Variants in APH1A observed in about 807,000 individuals in gnomAD.
APH1A encodes aph-1A gamma-secretase subunit.
A neutral mutation model predicts 30.3 loss-of-function variants in APH1A; 16 were observed. The observed-to-expected ratio is 0.53, with a 90% CI of 0.36 to 0.80. The LOEUF (loss-of-function observed/expected upper bound fraction) is 0.80. Among genes scored for constraint, APH1A ranks in the 30% least tolerant of loss-of-function variants. The probability of loss-of-function intolerance (pLI) is 0.01; values close to 1 mark genes in which losing one functional copy is unlikely to be tolerated. For missense variants in APH1A, 245 were observed against 337.8 expected, an observed-to-expected ratio of 0.73 and a Z score of 2.15; for synonymous variants, 144 against 140.1, an observed-to-expected ratio of 1.03 and a Z score of -0.20.
rs1265980941 is a variant in APH1A at position 150,268,952 on chromosome 1, G to A, written c.-142C>T. On this transcript the variant is annotated 5_prime_UTR_variant, in exon 1 of 7. Coordinates refer to ENST00000369109, the MANE Select transcript of APH1A (RefSeq NM_001077628.3). ...ATGTCACCCCCAGACCCCGGGGAAG[G>A]GGAAGGGGGGGAACCGAAACCCCAA... The A allele has an allele frequency of 1.5e-6, 1 of 654,912 alleles. No individual in the cohort carries two copies. Among genetic ancestry groups the A allele is most frequent in the Non-Finnish European group, 2.6e-6 (1 of 381,720 alleles). The allele number at this position is 654,912 out of a possible 1,614,324, so 40.6% of individuals were successfully genotyped here.
intron 3 of APH1A, 55 bp from the exon 4 acceptor site, chr1:150,267,533 C>A: frequency 6.2e-7 from 1 of 1,603,408 alleles, no homozygotes; most frequent in Middle Eastern, 1.7e-4. Flanking sequence ...GCCTGTTCAC[C>A]ACTGACCCCT....
At position 150,268,897 on chromosome 1, in the gene APH1A, G is replaced by A. The variant is rs1320304157; in HGVS notation, c.-87C>T. The stretch of plus-strand genomic sequence containing the variant: ...CCAGCTGGGGAGTCCGCGTGGGGTG[G>A]CAACGCGACCCCACGAGGGGCGCGG... On this transcript the variant is annotated 5_prime_UTR_variant, in exon 1 of 7. Coordinates refer to ENST00000369109, the MANE Select transcript of APH1A (RefSeq NM_001077628.3). The A allele has an allele frequency of 2.5e-6, 3 of 1,215,184 alleles. No individual in the cohort carries two copies. The highest frequency in any genetic ancestry group is 3.0e-5 in the African/African-American group (2 of 65,708). The allele number at this position is 1,215,184 out of a possible 1,614,324, so 75.3% of individuals were successfully genotyped here.
intron 1 of APH1A, 93 bp from the exon 2 acceptor site, chr1:150,268,220 A>G: frequency 6.9e-7 from 1 of 1,440,310 alleles, no homozygotes. Flanking sequence ...GAAAAGTGGA[A>G]GTTAGCCTTC....
chr1:150,268,279 G>A, intron 1 of APH1A, 152 bp from the exon 2 acceptor site: 2 of 833,400 alleles, frequency 2.4e-6, no homozygotes, highest in Non-Finnish European at 3.6e-6. Flanking sequence ...TCTCCACCAA[G>A]AGACTCATCT....
Position 150,268,055 on chromosome 1 carries a change from C to T in APH1A, c.186G>A (p.Arg62=). The T allele has an allele frequency of 1.9e-6, 3 of 1,614,126 alleles. No individual in the cohort carries two copies. Among genetic ancestry groups the T allele is most frequent in the Non-Finnish European group, 2.5e-6 (3 of 1,180,008 alleles). ...GGCCGTACTGGAGCCGGGCATCTGA[C>T]CGGTCGGTCACATGGACCAAGATGA... is the stretch of plus-strand genomic sequence containing the variant. ...VWFILVHVTD[R]SDARLQYGLL... The change falls in exon 2 of 7, where the codon CGG becomes CGA. Residue 62 remains arginine (R), a synonymous_variant. Transcript: ENST00000369109.
At position 150,265,410 on chromosome 1, in the gene APH1A, ATTCT is replaced by A. The variant is rs1481840151; in HGVS notation, c.*716_*719del. On this transcript the variant is annotated 3_prime_UTR_variant, in exon 7 of 7. Coordinates refer to ENST00000369109, the MANE Select transcript of APH1A (RefSeq NM_001077628.3). ...AAGCCAAGTTCCCCCACAATTACAA[ATTCT>A]TTTTTATTAGTCAAAATCACAATCA... The A allele has an allele frequency of 1.3e-5, 2 of 152,180 alleles. No homozygotes were observed. The highest frequency in any genetic ancestry group is 4.8e-5 in the African/African-American group (2 of 41,414). 9.4% of individuals were successfully genotyped at this position (152,180 alleles called of 1,614,324 possible).
rs907623872 is a variant in APH1A at position 150,268,068 on chromosome 1, T to G, written c.173A>C (p.His58Pro). The change falls in exon 2 of 7, where the codon CAT (histidine) becomes CCT (proline). Residue 58 changes from histidine (H) to proline (P), a missense_variant. Transcript: ENST00000369109. ...LASVVWFILVHVTDRSDARLQ... is the reference protein window; with the variant it reads ...LASVVWFILVPVTDRSDARLQ... ...CCGGGCATCTGACCGGTCGGTCACA[T>G]GGACCAAGATGAACCAGACCACAGA... 2 of 1,613,998 alleles carry G rather than the reference T, an allele frequency of 1.2e-6. No homozygotes were observed. Among genetic ancestry groups the G allele is most frequent in the Admixed American group, 3.3e-5 (2 of 60,000 alleles).
At chr1:150,266,476 G>C (rs200520312) in intron 6 of APH1A, 57 bp downstream of exon 6, 2 of 1,611,000 alleles carry the variant, frequency 1.2e-6, no homozygotes, top group African/African-American at 2.7e-5. Flanking sequence ...TCAGTCATGG[G>C]CAGTGGACAG....
chr1:150,266,704 C>T lies in APH1A; in HGVS notation c.610-48G>A, dbSNP rs149159123. The T allele has an allele frequency of 2.4e-4, 388 of 1,597,728 alleles. 7 individuals carry two copies. In the African/African-American group the frequency reaches 3.5e-3, roughly 15 times the overall value. On this transcript the variant is annotated intron_variant, in intron 5 of 6. Transcript: ENST00000369109. ...GAAAGAGATTAGATTCTCCCTCGACCTAATCCCCATATTCTCTCTGTACCT... is the reference window on the plus strand; with the variant it reads ...GAAAGAGATTAGATTCTCCCTCGACTTAATCCCCATATTCTCTCTGTACCT...
intron 4 of APH1A, 32 bp downstream of exon 4, chr1:150,267,324 G>T: frequency 6.2e-7 from 1 of 1,613,878 alleles, no homozygotes; most frequent in Non-Finnish European, 8.5e-7. Context: ...GGATGGATGG[G>T]GGGTAAAGGC....
intron 2 of APH1A, 22 bp downstream of exon 2, chr1:150,267,935 C>G (rs377210432): frequency 1.2e-6 from 2 of 1,613,852 alleles, no homozygotes; most frequent in African/African-American, 2.7e-5. Context: ...CCTCTCCCCT[C>G]CAGACCACTC....
At chr1:150,267,235 C>T (rs782246284) in intron 4 of APH1A, 33 bp from the exon 5 acceptor site, 1 of 1,613,744 alleles carries the variant, frequency 6.2e-7, no homozygotes, top group South Asian at 1.1e-5. Flanking sequence ...GAGATACATC[C>T]CTGATCTTCT....
chr1:150,266,969 T>A, intron 5 of APH1A, 106 bp downstream of exon 5: 3 of 1,530,462 alleles, frequency 2.0e-6, no homozygotes, highest in Non-Finnish European at 2.7e-6. Context: ...TTCCTCCTCC[T>A]CCCAGGTAAG....
chr1:150,268,060 C>G lies in APH1A; in HGVS notation c.181G>C (p.Asp61His). The G allele has an allele frequency of 6.2e-7, 1 of 1,614,088 alleles. No individual in the cohort carries two copies. Among genetic ancestry groups the G allele is most frequent in the Non-Finnish European group, 8.5e-7 (1 of 1,180,028 alleles). ...VVWFILVHVT[D>H]RSDARLQYGL... Reference sequence around the variant, plus strand: ...TACTGGAGCCGGGCATCTGACCGGTCGGTCACATGGACCAAGATGAACCAG... The same window carrying G: ...TACTGGAGCCGGGCATCTGACCGGTGGGTCACATGGACCAAGATGAACCAG... The change falls in exon 2 of 7, where the codon GAC (aspartate) becomes CAC (histidine). Residue 61 changes from aspartate to histidine, a missense_variant. Physicochemically the swap from Asp to His is moderately conservative, Grantham distance 81 (BLOSUM62 -1). Coordinates refer to ENST00000369109, the MANE Select transcript of APH1A (RefSeq NM_001077628.3).
rs1033143052 is a variant in APH1A, at chr1:150,266,095, G to A, written c.*35C>T. 5 of 1,564,346 alleles carry A rather than the reference G, an allele frequency of 3.2e-6. No homozygotes were observed. Among genetic ancestry groups the A allele is most frequent in the Non-Finnish European group, 4.3e-6 (5 of 1,153,812 alleles). On this transcript the variant is annotated 3_prime_UTR_variant, in exon 7 of 7. Coordinates refer to ENST00000369109, the MANE Select transcript of APH1A (RefSeq NM_001077628.3). ...AAATACAGGGCGAGGACATCAGGAGGGCACCCCAGGCCCAGGGGTCCCCCC... is the reference window on the plus strand; with the variant it reads ...AAATACAGGGCGAGGACATCAGGAGAGCACCCCAGGCCCAGGGGTCCCCCC...
chr1:150,267,818 G>A (rs1651865841), intron 2 of APH1A, 29 bp from the exon 3 acceptor site: 3 of 1,613,456 alleles, frequency 1.9e-6, no homozygotes, highest in Non-Finnish European at 1.7e-6. Context: ...GGGGAAACAT[G>A]AGGGAGGGCA....
Position 150,268,787 on chromosome 1 carries a change from G to A in APH1A, c.24C>T (p.Gly8=). The A allele has an allele frequency of 5.0e-6, 8 of 1,613,680 alleles. No homozygotes were observed. The highest frequency in any genetic ancestry group is 6.8e-6 in the Non-Finnish European group (8 of 1,179,864). The change falls in exon 1 of 7, where the codon GGC becomes GGT. Residue 8 remains glycine, a synonymous_variant. Transcript: ENST00000369109. Reference sequence around the variant, plus strand: ...CCGGGCCGAACGCGACGAAAGTGCAGCCGAAAAACACCGCAGCCCCCATGG... The same window carrying A: ...CCGGGCCGAACGCGACGAAAGTGCAACCGAAAAACACCGCAGCCCCCATGG... The part of the protein sequence containing the change: MGAAVFF[G]CTFVAFGPAF...
At chr1:150,267,892 G>A in intron 2 of APH1A, 65 bp downstream of exon 2, 2 of 1,612,092 alleles carry the variant, frequency 1.2e-6, no homozygotes, top group Non-Finnish European at 1.7e-6. Flanking sequence ...GCACCCAGGG[G>A]CTGCCCCACT....
chr1:150,266,201 A>G lies in APH1A; in HGVS notation c.734-7T>C. On this transcript the variant is annotated splice_region_variant and splice_polypyrimidine_tract_variant and intron_variant, in intron 6 of 6. Coordinates refer to ENST00000369109, the MANE Select transcript of APH1A (RefSeq NM_001077628.3). Reference sequence around the variant, plus strand: ...CTGTCCTCCTGCCGTCGGCCTGCAGAGGGGAAGGGAGGTGAGTCTTGGGCA... The same window carrying G: ...CTGTCCTCCTGCCGTCGGCCTGCAGGGGGGAAGGGAGGTGAGTCTTGGGCA... 2 of 1,595,178 alleles carry G rather than the reference A, an allele frequency of 1.3e-6. No individual in the cohort carries two copies. Among genetic ancestry groups the G allele is most frequent in the Non-Finnish European group, 1.7e-6 (2 of 1,170,886 alleles).
Sources: gnomAD v4.1 joint callset for allele counts on GRCh38, gnomAD v4.1.1 for gene constraint, MANE v1.5 for transcripts, NCBI Gene and HGNC (gene_info 2026-07-23, HGNC 2026-07-21) for gene names.